The following PTK2 variants were observed in gnomAD, a reference collection of about 807,000 sequenced individuals.
PTK2 encodes protein tyrosine kinase 2.
In PTK2, 45 loss-of-function variants were observed where a neutral mutation model predicts 150.1. That is an observed-to-expected ratio of 0.30 (90% confidence interval 0.24 to 0.38). The LOEUF (loss-of-function observed/expected upper bound fraction) is 0.38, where lower values mean the gene tolerates loss of function less well. Among genes scored for constraint, PTK2 ranks in the 10% least tolerant of loss-of-function variants. PTK2 has a pLI of 1.00. For missense variants in PTK2, 919 were observed against 1,307.3 expected (o/e 0.70, Z 4.58); for synonymous variants, 432 against 449.2 (o/e 0.96, Z 0.48).
chr8:140,797,227 T>C (rs1274260235), intron 12 of PTK2, among the ~76,000 whole-genome samples: 1 of 152,214 alleles, frequency 6.6e-6, no homozygotes, highest in Non-Finnish European at 1.5e-5. Flanking sequence ...TATATCACTG[T>C]ATCCATATAT....
chr8:140,956,506 C>T (rs1329149196), intron 1 of PTK2, among the ~76,000 whole-genome samples: 2 of 152,182 alleles, frequency 1.3e-5, no homozygotes, highest in African/African-American at 2.4e-5. Flanking sequence ...ATTTATTGTG[C>T]ACTTTTAATT....
intron 1 of PTK2, among the ~76,000 whole-genome samples, chr8:140,975,407 C>T (rs561295064): frequency 1.3e-5 from 2 of 152,152 alleles, no homozygotes; most frequent in Non-Finnish European, 1.5e-5. Flanking sequence ...ACCTATTTCT[C>T]CACATGTGAT....
At chr8:140,978,539 T>G (rs2100190168) in intron 1 of PTK2, among the ~76,000 whole-genome samples, 2 of 151,806 alleles carry the variant, frequency 1.3e-5, no homozygotes, top group Non-Finnish European at 2.9e-5. Context: ...ATCAGAGAAA[T>G]GCAAATCAAA....
chr8:140,818,791 A>AT, intron 9 of PTK2, 89 bp downstream of exon 9: 36 of 1,404,486 alleles, frequency 2.6e-5, no homozygotes, highest in Non-Finnish European at 3.5e-5. Context: ...ACAAGTTAGC[A>AT]TTTTTTCATC....
Position 140,716,133 on chromosome 8 carries a change from A to G in PTK2, c.2142+1465T>C, listed in dbSNP as rs150376856. Among the ~76,000 whole-genome samples, 376 of 152,330 alleles carry G rather than the reference A, an allele frequency of 2.5e-3. 2 individuals are homozygous for G. Among genetic ancestry groups the G allele is most frequent in the African/African-American group, 8.0e-3 (334 of 41,584 alleles). Reference sequence around the variant, plus strand: ...GAATACAAATAGTCATTTTGTAAATAAGGAATGTGAGATTTGGAGTAGGTA... The same window carrying G: ...GAATACAAATAGTCATTTTGTAAATGAGGAATGTGAGATTTGGAGTAGGTA... On this transcript the variant is annotated intron_variant, in intron 23 of 31. Transcript: ENST00000522684.
intron 14 of PTK2, chr8:140,764,541 T>TA (rs921521483): frequency 3.3e-5 from 16 of 488,614 alleles, no homozygotes; most frequent in Middle Eastern, 5.2e-4. Flanking sequence ...AAAGCCCTTG[T>TA]AAAAAACAGA....
chr8:140,745,853 AGC>A, intron 18 of PTK2, among the ~76,000 whole-genome samples: 1 of 152,118 alleles, frequency 6.6e-6, no homozygotes, highest in Middle Eastern at 3.4e-3. Flanking sequence ...TGCGAAAATT[AGC>A]TGGGCCTGGC....
intron 1 of PTK2, among the ~76,000 whole-genome samples, chr8:140,977,967 T>C (rs1023688055): frequency 3.3e-5 from 5 of 152,174 alleles, no homozygotes; most frequent in Admixed American, 6.5e-5. Context: ...TATCTACAAC[T>C]ATCTGATCTT....
chr8:140,860,611 T>C (rs369487765), intron 5 of PTK2, among the ~76,000 whole-genome samples: 1 of 152,192 alleles, frequency 6.6e-6, no homozygotes, highest in African/African-American at 2.4e-5. Flanking sequence ...GTAGCTGGGA[T>C]ACAGGTGTGT....
intron 14 of PTK2, among the ~76,000 whole-genome samples, chr8:140,765,757 T>C (rs889531359): frequency 6.6e-5 from 10 of 152,166 alleles, no homozygotes; most frequent in East Asian, 1.9e-4. Flanking sequence ...CTGTGTAAGA[T>C]GGCTTATCAA....
chr8:140,763,398 A>G (rs1351125139), intron 15 of PTK2, among the ~76,000 whole-genome samples: 3 of 152,180 alleles, frequency 2.0e-5, no homozygotes, highest in Non-Finnish European at 2.9e-5. Context: ...TCAGATTTTG[A>G]GTTAATTTCT....
intron 8 of PTK2, among the ~76,000 whole-genome samples, chr8:140,825,010 G>C (rs1168519392): frequency 1.3e-5 from 2 of 152,298 alleles, no homozygotes; most frequent in Non-Finnish European, 2.9e-5. Flanking sequence ...TCAACCTAAT[G>C]ATTATCAGAT....
chr8:140,938,090 T>C (rs2100174326), intron 1 of PTK2, among the ~76,000 whole-genome samples: 1 of 152,180 alleles, frequency 6.6e-6, no homozygotes, highest in Admixed American at 6.5e-5. Flanking sequence ...CAATTCACAG[T>C]ACAAAATCGA....
At chr8:140,808,733 GTT>G (rs57600032) in intron 10 of PTK2, among the ~76,000 whole-genome samples, 4 of 116,566 alleles carry the variant, frequency 3.4e-5, no homozygotes, top group Admixed American at 1.7e-4. Flanking sequence ...TTTTGTTCTT[GTT>G]TTTTTTTTTT....
At chr8:140,658,785 T>C (rs533299492) in exon 32 of PTK2, 1 of 224,484 alleles carries the variant, frequency 4.5e-6, no homozygotes, top group East Asian at 6.5e-5. Context: ...AACTGGCACA[T>C]TATTCTGTGA....
exon 32 of PTK2, chr8:140,659,267 A>G: frequency 3.6e-6 from 2 of 554,036 alleles, no homozygotes; most frequent in South Asian, 5.4e-5. Context: ...TCATGATTGA[A>G]AAAAACAAAA....
intron 4 of PTK2, among the ~76,000 whole-genome samples, chr8:140,870,350 G>T (rs914384469): frequency 1.3e-5 from 2 of 152,158 alleles, no homozygotes; most frequent in African/African-American, 4.8e-5. Context: ...TAACAAAGTT[G>T]TGAGACATAG....
intron 16 of PTK2, among the ~76,000 whole-genome samples, chr8:140,755,113 T>C (rs943121986): frequency 5.9e-5 from 9 of 152,134 alleles, no homozygotes; most frequent in African/African-American, 1.9e-4. Context: ...CAAATAAATG[T>C]AGAAAAAAGC....
chr8:140,998,236 T>G (rs189555652), intron 1 of PTK2, among the ~76,000 whole-genome samples: 2 of 152,352 alleles, frequency 1.3e-5, no homozygotes, highest in East Asian at 3.9e-4. Context: ...ATGCCTAAAC[T>G]GAAAATGTTA....
Sources: allele counts gnomAD v4.1 joint callset (sites outside exome capture counted in the v4.1 genomes callset), GRCh38; gene constraint gnomAD v4.1.1; transcripts MANE v1.5; gene names NCBI Gene and HGNC (gene_info 2026-07-23, HGNC 2026-07-21).